Variants in PTK2B observed in about 807,000 individuals in gnomAD.
PTK2B encodes protein tyrosine kinase 2 beta.
Under a neutral mutation model 142.9 loss-of-function variants are expected in PTK2B, and 71 were observed. The observed-to-expected ratio is 0.50, with a 90% CI of 0.41 to 0.61. The LOEUF (loss-of-function observed/expected upper bound fraction) is 0.61, where lower values mean the gene tolerates loss of function less well. PTK2B is among the 20% of genes least tolerant of loss of function. PTK2B has a pLI of 0.00. For missense variants in PTK2B, 1,105 were observed against 1,320.4 expected (o/e 0.84, Z 2.53); for synonymous variants, 519 against 503.4 (o/e 1.03, Z -0.42).
chr8:27,345,180 G>T (rs1258568935), intron 1 of PTK2B, among the ~76,000 whole-genome samples: 3 of 152,288 alleles, frequency 2.0e-5, no homozygotes, highest in South Asian at 4.1e-4. Flanking sequence ...TAGGGAGAGG[G>T]TCAGATCATG....
intron 1 of PTK2B, among the ~76,000 whole-genome samples, chr8:27,354,829 T>C (rs1805304869): frequency 6.6e-6 from 1 of 152,114 alleles, no homozygotes; most frequent in Non-Finnish European, 1.5e-5. Flanking sequence ...GTTTGCTCCT[T>C]GTTCTGTCTC....
In PTK2B at chr8:27,442,960, GCCTTCCAGGAA is replaced by G. The variant is rs1197701654; in HGVS notation, c.2128_2138del (p.Phe710ProfsTer8). 1 of 1,613,966 alleles carries G rather than the reference GCCTTCCAGGAA, an allele frequency of 6.2e-7. No homozygotes were observed. Among genetic ancestry groups the G allele is most frequent in the Non-Finnish European group, 8.5e-7 (1 of 1,179,944 alleles). ...AACCCCCAAAATCTTGGAGCCCACA[GCCTTCCAGGAA>G]CCCCCACCCAAGGTAAGCCAAGCCA... On this transcript the variant is annotated frameshift_variant, in exon 22 of 31. Coordinates refer to ENST00000346049, the MANE Select transcript of PTK2B (RefSeq NM_173176.3). LOFTEE classifies it high-confidence loss of function.
In PTK2B at chr8:27,440,403, T is replaced by A. The variant is rs1446430110; in HGVS notation, c.2001T>A (p.Ser667Arg). 2 of 1,614,142 alleles carry A rather than the reference T, an allele frequency of 1.2e-6. No homozygotes were observed. The highest frequency in any genetic ancestry group is 1.7e-5 in the Admixed American group (1 of 60,026). Residue 667 changes from serine to arginine, a missense_variant, in exon 21 of 31, where the codon AGT becomes AGA. By Grantham distance (110) the Ser-to-Arg change is moderately radical. Coordinates refer to ENST00000346049, the MANE Select transcript of PTK2B (RefSeq NM_173176.3). ...LMTRCWDYDPSDRPRFTELVC... is the reference protein window; with the variant it reads ...LMTRCWDYDPRDRPRFTELVC... The stretch of plus-strand genomic sequence containing the variant: ...CCCGCTGCTGGGACTACGACCCCAG[T>A]GACCGGCCCCGCTTCACCGAGCTGG...
In PTK2B at chr8:27,434,515, A is replaced by C. The variant is rs1331840908; in HGVS notation, c.1148A>C (p.Asn383Thr). Reference sequence around the variant, plus strand: ...TTCTGCTCTCTCACCTCCTACAGAAACCTGGAGGCCCGGCGGTCCCACCTC... The same window carrying C: ...TTCTGCTCTCTCACCTCCTACAGAACCCTGGAGGCCCGGCGGTCCCACCTC... ...RNSLPQIPML[N>T]LEARRSHLSE... The change falls in exon 13 of 31, where the codon AAC becomes ACC. Residue 383 changes from asparagine to threonine, a missense_variant and splice_region_variant. Asn to Thr is a moderately conservative substitution (Grantham distance 65). Coordinates refer to ENST00000346049, the MANE Select transcript of PTK2B (RefSeq NM_173176.3). The C allele has an allele frequency of 1.9e-6, 3 of 1,609,310 alleles. No individual in the cohort carries two copies. The African/African-American group carries it at 4.0e-5, about 22-fold the overall frequency.
intron 1 of PTK2B, among the ~76,000 whole-genome samples, chr8:27,380,446 G>A (rs567072746): frequency 1.2e-3 from 187 of 152,232 alleles, no homozygotes; most frequent in Non-Finnish European, 1.9e-3. Flanking sequence ...CCACATGCAG[G>A]GTTTCCCTAC....
chr8:27,331,561 T>C (rs1445688727), intron 1 of PTK2B, among the ~76,000 whole-genome samples: 1 of 152,082 alleles, frequency 6.6e-6, no homozygotes, highest in Non-Finnish European at 1.5e-5. Flanking sequence ...TTATTTTCTT[T>C]CTACAACCTC....
intron 5 of PTK2B, among the ~76,000 whole-genome samples, chr8:27,423,820 G>A (rs183615530): frequency 1.7e-3 from 256 of 152,174 alleles, no homozygotes; most frequent in Non-Finnish European, 3.0e-3. Flanking sequence ...TGGTATTAGC[G>A]ACAGAATAGG....
At chr8:27,446,646 CTATTT>C (rs1811491559) in intron 24 of PTK2B, among the ~76,000 whole-genome samples, 1 of 152,188 alleles carries the variant, frequency 6.6e-6, no homozygotes, top group African/African-American at 2.4e-5. Flanking sequence ...AACACTTGAT[CTATTT>C]TACTAAACCA....
intron 1 of PTK2B, among the ~76,000 whole-genome samples, chr8:27,371,804 C>T (rs1359443423): frequency 6.6e-6 from 1 of 152,138 alleles, no homozygotes; most frequent in Non-Finnish European, 1.5e-5. Flanking sequence ...TACCTTGGCC[C>T]TTCAAAGTGC....
At chr8:27,446,923 T>C (rs577585498) in intron 24 of PTK2B, among the ~76,000 whole-genome samples, 1 of 152,378 alleles carries the variant, frequency 6.6e-6, no homozygotes, top group East Asian at 1.9e-4. Context: ...TTTTCTCTTT[T>C]ATATTAATTT....
rs541222668 is a variant in PTK2B at position 27,392,784 on chromosome 8, G to A, written c.-37-4764G>A. ...ATTACAGATCTGTGTCTACAGCTCAGAGTTTTGGGTGCACTTGAGGAAGTT... is the reference window on the plus strand; with the variant it reads ...ATTACAGATCTGTGTCTACAGCTCAAAGTTTTGGGTGCACTTGAGGAAGTT... On this transcript the variant is annotated intron_variant, in intron 1 of 30. Coordinates refer to ENST00000346049, the MANE Select transcript of PTK2B (RefSeq NM_173176.3). 2.6e-5 allele frequency among the ~76,000 whole-genome samples: 4 copies of A among 152,302 alleles called. No individual in the cohort carries two copies. The East Asian group carries it at 7.7e-4, about 29-fold the overall frequency.
intron 29 of PTK2B, 119 bp downstream of exon 29, chr8:27,454,410 G>A: frequency 6.5e-7 from 1 of 1,546,394 alleles, no homozygotes; most frequent in African/African-American, 1.4e-5. Flanking sequence ...TGGGCCAGGG[G>A]AATTGAGTCC....
At chr8:27,344,134 A>G (rs1340143293) in intron 1 of PTK2B, among the ~76,000 whole-genome samples, 1 of 152,194 alleles carries the variant, frequency 6.6e-6, no homozygotes, top group Admixed American at 6.5e-5. Context: ...CTTTAGGGAA[A>G]TGGCACACCC....
At chr8:27,423,751 G>A (rs1272987543) in intron 5 of PTK2B, among the ~76,000 whole-genome samples, 3 of 152,156 alleles carry the variant, frequency 2.0e-5, no homozygotes, top group Non-Finnish European at 2.9e-5. Flanking sequence ...GAGTCCTCCG[G>A]TGGGGCCAGT....
chr8:27,421,593 G>A (rs887752230), intron 4 of PTK2B, among the ~76,000 whole-genome samples: 1 of 152,052 alleles, frequency 6.6e-6, no homozygotes, highest in African/African-American at 2.4e-5. Flanking sequence ...TAGAATAATG[G>A]TCTCCAACTC....
At position 27,363,469 on chromosome 8, in the gene PTK2B, T is replaced by A. The variant is rs772122652; in HGVS notation, c.-37-34079T>A. Among the ~76,000 whole-genome samples the A allele has an allele frequency of 1.3e-5, 2 of 152,068 alleles. No homozygotes were observed. Among genetic ancestry groups the A allele is most frequent in the Non-Finnish European group, 2.9e-5 (2 of 68,020 alleles). The stretch of plus-strand genomic sequence containing the variant: ...TTAGAGCTCCGAGCAATGGGACAGG[T>A]TGCAGAAATGTTGAGAGAGTGAGTT... On this transcript the variant is annotated intron_variant, in intron 1 of 30. Coordinates refer to ENST00000346049, the MANE Select transcript of PTK2B (RefSeq NM_173176.3). This position sits in a 1 kb window ranked among gnomAD's most constrained non-coding sequence, Gnocchi z 4.3.
intron 1 of PTK2B, among the ~76,000 whole-genome samples, chr8:27,339,294 C>T (rs1465743430): frequency 1.3e-5 from 2 of 152,232 alleles, no homozygotes; most frequent in East Asian, 1.9e-4. Context: ...TTGCTCTTTC[C>T]ATCAGCACAA....
Position 27,437,517 on chromosome 8 carries a change from A to G in PTK2B, c.1527+21A>G, listed in dbSNP as rs750014305. 6 of 1,564,668 alleles carry G rather than the reference A, an allele frequency of 3.8e-6. No homozygotes were observed. In the African/African-American group the frequency reaches 4.1e-5, roughly 11 times the overall value. ...GGGAGGTGAGCTGGAGGACCCTGCG[A>G]TGACAACTGGGCTGCAGCATGGGGG... On this transcript the variant is annotated intron_variant, in intron 17 of 30. Coordinates refer to ENST00000346049, the MANE Select transcript of PTK2B (RefSeq NM_173176.3).
intron 1 of PTK2B, among the ~76,000 whole-genome samples, chr8:27,378,631 GT>G (rs1806822106): frequency 6.8e-6 from 1 of 146,488 alleles, no homozygotes; most frequent in Non-Finnish European, 1.5e-5. Context: ...GTGTGTGTGT[GT>G]GTGTGTGTGT....
Sources: gnomAD v4.1 joint callset for allele counts (sites outside exome capture counted in the v4.1 genomes callset) on GRCh38, gnomAD v4.1.1 for gene constraint, Gnocchi (gnomAD v3.1) non-coding constraint, MANE v1.5 for transcripts, NCBI Gene and HGNC (gene_info 2026-07-23, HGNC 2026-07-21) for gene names.